The following DNAJC2 variants were observed in gnomAD, a reference collection of about 807,000 sequenced individuals.
DNAJC2 encodes DnaJ heat shock protein family (Hsp40) member C2, also known as dnaJ homolog subfamily C member 2.
DNAJC2 carries 32 observed loss-of-function variants against 94.0 expected under a neutral mutation model. The ratio of observed to expected loss-of-function variants is 0.34; its 90% CI spans 0.26 to 0.46. DNAJC2 has a LOEUF of 0.46. Among genes scored for constraint, DNAJC2 ranks in the 20% least tolerant of loss-of-function variants. The pLI is 1.00. For synonymous variants in DNAJC2, 210 were observed against 229.7 expected (o/e 0.91, Z 0.77); for missense variants, 550 against 719.5 (o/e 0.76, Z 2.69).
Position 103,316,106 on chromosome 7 carries a change from A to T in DNAJC2, c.1428-18T>A. 1.4e-6 allele frequency: 2 copies of T among 1,434,286 alleles called. No homozygotes were observed. Among genetic ancestry groups the T allele is most frequent in the Non-Finnish European group, 9.5e-7 (1 of 1,047,654 alleles). 88.8% of individuals were successfully genotyped at this position (1,434,286 alleles called of 1,614,324 possible). ...CTTCCCATCTGATAGGATATATTATACAATAATATGAATAGTAGTAAGGAA... is the reference window on the plus strand; with the variant it reads ...CTTCCCATCTGATAGGATATATTATTCAATAATATGAATAGTAGTAAGGAA... On this transcript the variant is annotated intron_variant, in intron 13 of 16. Transcript: ENST00000379263.
At chr7:103,330,772 G>T (rs1173798262) in intron 3 of DNAJC2, among the ~76,000 whole-genome samples, 2 of 151,318 alleles carry the variant, frequency 1.3e-5, no homozygotes, top group Non-Finnish European at 2.9e-5. Flanking sequence ...TGTAGGGGAG[G>T]GGTTTCGTCA....
At chr7:103,317,121 C>G in intron 12 of DNAJC2, 107 bp from the exon 13 acceptor site, 2 of 1,004,186 alleles carry the variant, frequency 2.0e-6, no homozygotes, top group East Asian at 2.4e-5. Flanking sequence ...GTCATTCTCA[C>G]TCTGACCCCA....
chr7:103,328,517 G>A lies in DNAJC2; in HGVS notation c.332-763C>T, dbSNP rs371833697. On this transcript the variant is annotated intron_variant, in intron 3 of 16. Coordinates refer to ENST00000379263, the MANE Select transcript of DNAJC2 (RefSeq NM_014377.3). Reference sequence around the variant, plus strand: ...GTGGTGGTGCATGCCTGTGGTCCCAGCTACTCAGGTGGCTCAGACATAAGA... The same window carrying A: ...GTGGTGGTGCATGCCTGTGGTCCCAACTACTCAGGTGGCTCAGACATAAGA... Among the ~76,000 whole-genome samples, 68 of 152,102 alleles carry A rather than the reference G, an allele frequency of 4.5e-4. 1 individual carries two copies. In the Middle Eastern group the frequency reaches 0.01, roughly 23 times the overall value.
At chr7:103,327,534 A>G in intron 4 of DNAJC2, 122 bp downstream of exon 4, 10 of 735,584 alleles carry the variant, frequency 1.4e-5, no homozygotes, top group South Asian at 9.3e-5. Flanking sequence ...TGATATAACT[A>G]AAATGTTTTA....
At chr7:103,344,384 A>T (rs1380461634) in intron 1 of DNAJC2, 175 bp downstream of exon 1, 1 of 654,392 alleles carries the variant, frequency 1.5e-6, no homozygotes, top group African/African-American at 1.8e-5. Flanking sequence ...CCTTCCTTCT[A>T]ATCTAGGGTA....
chr7:103,335,348 T>C (rs987198960), intron 3 of DNAJC2: 4 of 152,202 alleles, frequency 2.6e-5, no homozygotes, highest in Non-Finnish European at 5.9e-5. Context: ...GAGTAGCAAC[T>C]GTGTTTTACA....
intron 3 of DNAJC2, chr7:103,335,735 G>A (rs1040317157): frequency 3.3e-5 from 5 of 152,060 alleles, no homozygotes; most frequent in African/African-American, 1.2e-4. Context: ...TAGTAGAGAT[G>A]GGGTTTCACC....
At chr7:103,321,768 G>A (rs145470711) in intron 10 of DNAJC2, among the ~76,000 whole-genome samples, 164 bp downstream of exon 10, 3,346 of 152,224 alleles carry the variant, frequency 0.022, 42 homozygotes, top group African/African-American at 0.032. Flanking sequence ...AGAATCGCTC[G>A]AACCCGGAGG....
chr7:103,327,922 C>A (rs1233324586), intron 3 of DNAJC2, among the ~76,000 whole-genome samples, 168 bp from the exon 4 acceptor site: 7 of 152,028 alleles, frequency 4.6e-5, no homozygotes, highest in African/African-American at 1.7e-4. Context: ...TGATTTATTT[C>A]TTCTTATTAT....
intron 15 of DNAJC2, 64 bp from the exon 16 acceptor site, chr7:103,313,165 T>C: frequency 7.9e-6 from 12 of 1,520,976 alleles, no homozygotes; most frequent in Non-Finnish European, 1.1e-5. Context: ...AGTCTTGTGG[T>C]CCACAAGTAT....
chr7:103,342,232 G>A (rs1346204885), intron 1 of DNAJC2, among the ~76,000 whole-genome samples: 4 of 151,882 alleles, frequency 2.6e-5, no homozygotes, highest in Non-Finnish European at 4.4e-5. Flanking sequence ...TACTTTTTTG[G>A]GGATATGAGT....
chr7:103,320,746 A>AATATATATATATACACACATATATAT (rs1818346058), intron 10 of DNAJC2: 4 of 118,324 alleles, frequency 3.4e-5, no homozygotes, highest in Non-Finnish European at 6.8e-5. Context: ...TCTGTCACAA[A>AATATATATATATACACACATATATAT]ATATATATAT....
At position 103,312,550 on chromosome 7, in the gene DNAJC2, GCA is replaced by G; in HGVS notation, c.*17_*18del. The G allele has an allele frequency of 6.2e-7, 1 of 1,600,280 alleles. No homozygotes were observed. Among genetic ancestry groups the G allele is most frequent in the Non-Finnish European group, 8.5e-7 (1 of 1,176,098 alleles). On this transcript the variant is annotated 3_prime_UTR_variant, in exon 17 of 17. Coordinates refer to ENST00000379263, the MANE Select transcript of DNAJC2 (RefSeq NM_014377.3). The stretch of plus-strand genomic sequence containing the variant: ...GTATTTTCAGTTTTATTATAAAAAT[GCA>G]CACACAACAAAGATTGTCATTTCTT...
In DNAJC2 at chr7:103,324,348, G is replaced by C. The variant is rs531993968; in HGVS notation, c.653+134C>G. ...ATCTTAAAAGTGTAAATATCACATA[G>C]GTAACAGAGTGCTTTTGTTCAGTGA... is the stretch of plus-strand genomic sequence containing the variant. On this transcript the variant is annotated intron_variant, in intron 6 of 16. Transcript: ENST00000379263. 2.7e-5 allele frequency: 18 copies of C among 674,414 alleles called. No individual in the cohort carries two copies. In the African/African-American group the frequency reaches 3.4e-4, roughly 13 times the overall value. The allele number at this position is 674,414 out of a possible 1,614,324, so 41.8% of individuals were successfully genotyped here. A position where few individuals can be genotyped will look rare whatever the true frequency, so the allele number is the denominator to read the frequency against.
chr7:103,316,835 A>G lies in DNAJC2; in HGVS notation c.1422T>C (p.Asn474=), dbSNP rs1010036369. 3.7e-6 allele frequency: 6 copies of G among 1,613,214 alleles called. No homozygotes were observed. The highest frequency in any genetic ancestry group is 5.1e-6 in the Non-Finnish European group (6 of 1,179,800). The change falls in exon 13 of 17, where the codon AAT becomes AAC. Residue 474 remains asparagine (N), a synonymous_variant. Transcript: ENST00000379263. ...AGTTTCATTAAAACCAGTACCTTGA[A>G]TTTGTTCCAGCAGGGAACAGATTCA... ...KAVNLFPAGT[N]SRWEVIANYM...
chr7:103,313,836 A>C (rs1586058434), intron 15 of DNAJC2: 4 of 985,152 alleles, frequency 4.1e-6, no homozygotes, highest in Non-Finnish European at 4.8e-6. Flanking sequence ...AGGTAAAAGT[A>C]GAATGTTAAG....
Position 103,327,773 on chromosome 7 carries a change from T to C in DNAJC2, c.332-19A>G. On this transcript the variant is annotated intron_variant, in intron 3 of 16. Transcript: ENST00000379263. ...GCTTTATCTACAAAACCAGTCAGAT[T>C]GAGATAATTTGTCACTTTAAGCACC... 1.3e-6 allele frequency: 2 copies of C among 1,552,050 alleles called. No individual in the cohort carries two copies. The highest frequency in any genetic ancestry group is 1.8e-6 in the Non-Finnish European group (2 of 1,130,332).
At chr7:103,313,226 G>A in intron 15 of DNAJC2, 125 bp from the exon 16 acceptor site, 1 of 1,447,582 alleles carries the variant, frequency 6.9e-7, no homozygotes, top group Non-Finnish European at 9.0e-7. Context: ...AAATAAACTT[G>A]TAGAGATGAG....
At position 103,321,334 on chromosome 7, in the gene DNAJC2, C is replaced by G. The variant is rs558070621; in HGVS notation, c.1083+598G>C. On this transcript the variant is annotated intron_variant, in intron 10 of 16. Transcript: ENST00000379263. ...GAGTTCAAGACCAGCCTGGCCAACA[C>G]AGTGAAACTCTGTCTCAACTAAAAA... Among the ~76,000 whole-genome samples, 4 of 151,954 alleles carry G rather than the reference C, an allele frequency of 2.6e-5. No individual in the cohort carries two copies. In the East Asian group the frequency reaches 7.8e-4, roughly 30 times the overall value.
Sources: allele counts gnomAD v4.1 joint callset (sites outside exome capture counted in the v4.1 genomes callset), GRCh38; gene constraint gnomAD v4.1.1; transcripts MANE v1.5; gene names NCBI Gene and HGNC (gene_info 2026-07-23, HGNC 2026-07-21).